SOCS7: variants seen among roughly 807,000 people sequenced by gnomAD.
SOCS7 encodes the protein suppressor of cytokine signaling 7.
In SOCS7, 18 loss-of-function variants were observed where a neutral mutation model predicts 58.9. The ratio of observed to expected loss-of-function variants is 0.31; its 90% CI spans 0.21 to 0.45. The LOEUF (loss-of-function observed/expected upper bound fraction) is 0.45, where lower values mean the gene tolerates loss of function less well. Ranked by LOEUF, SOCS7 falls within the 20% of genes least tolerant of loss-of-function variation. The pLI is 1.00. For missense variants in SOCS7, 667 were observed against 837.3 expected, an observed-to-expected ratio of 0.80 and a Z score of 2.51; for synonymous variants, 388 against 364.3, an observed-to-expected ratio of 1.06 and a Z score of -0.74.
intron 6 of SOCS7, 140 bp from the exon 7 acceptor site, chr17:38,377,574 G>C (rs746654496): frequency 1.5e-5 from 9 of 612,404 alleles, no homozygotes; most frequent in South Asian, 1.4e-4. Context: ...GCAGGAACAG[G>C]TAGCTTCAGA....
chr17:38,381,654 C>A (rs1023745878), intron 7 of SOCS7, among the ~76,000 whole-genome samples: 1 of 151,972 alleles, frequency 6.6e-6, no homozygotes, highest in Non-Finnish European at 1.5e-5. Flanking sequence ...GAGCTGGATG[C>A]AGTAGGAGGG....
At chr17:38,369,674 CTTTTTT>C (rs11299884) in intron 6 of SOCS7, among the ~76,000 whole-genome samples, 1 of 125,984 alleles carries the variant, frequency 7.9e-6, no homozygotes, top group Non-Finnish European at 1.7e-5. Context: ...TCTCCGATTA[CTTTTTT>C]TTTTTTTTTT....
At chr17:38,358,528 T>TCC (rs1466524893) in intron 1 of SOCS7, among the ~76,000 whole-genome samples, 1 of 151,898 alleles carries the variant, frequency 6.6e-6, no homozygotes, top group African/African-American at 2.4e-5. Context: ...ATCTTACCCC[T>TCC]CCCCCAGGTA....
At position 38,352,159 on chromosome 17, in the gene SOCS7, C is replaced by G; in HGVS notation, c.107C>G (p.Pro36Arg). The change falls in exon 1 of 10, where the codon CCT becomes CGT. Residue 36 changes from proline to arginine, a missense_variant. Around this residue, in one of 9 missense-constraint regions of SOCS7, gnomAD observed 65 missense variants for 51.0 expected, o/e 1.27. Coordinates refer to ENST00000612932, the MANE Select transcript of SOCS7 (RefSeq NM_014598.4). The surrounding 1 kb of genome is among the most constrained non-coding windows in gnomAD (Gnocchi z 5.5). ...GGAGAGGCGGCCCCCGAGCCAGGCCCTCCGCCACCGCCCCCGGGCCATGGC... is the reference window on the plus strand; with the variant it reads ...GGAGAGGCGGCCCCCGAGCCAGGCCGTCCGCCACCGCCCCCGGGCCATGGC... ...GYGEAAPEPG[P>R]PPPPPGHGPP... 4.1e-6 allele frequency: 5 copies of G among 1,226,390 alleles called. No individual in the cohort carries two copies. The highest frequency in any genetic ancestry group is 5.1e-6 in the Non-Finnish European group (5 of 979,996). The allele number at this position is 1,226,390 out of a possible 1,614,324, so 76.0% of individuals were successfully genotyped here. A position where few individuals can be genotyped will look rare whatever the true frequency, so the allele number is the denominator to read the frequency against.
intron 5 of SOCS7, 34 bp downstream of exon 5, chr17:38,366,451 T>C (rs765951629): frequency 1.9e-6 from 3 of 1,612,090 alleles, no homozygotes; most frequent in Non-Finnish European, 1.7e-6. Flanking sequence ...AGGTCACTTC[T>C]CCTCCCATTA....
At position 38,402,383 on chromosome 17, in the gene SOCS7, C is replaced by G. The variant is rs2038331920; in HGVS notation, c.*2901C>G. 6.6e-6 allele frequency: 1 copy of G among 152,348 alleles called. No individual in the cohort carries two copies. The highest frequency in any genetic ancestry group is 2.1e-4 in the South Asian group (1 of 4,830). The allele number at this position is 152,348 out of a possible 1,614,324, so 9.4% of individuals were successfully genotyped here. On this transcript the variant is annotated 3_prime_UTR_variant, in exon 10 of 10. Coordinates refer to ENST00000612932, the MANE Select transcript of SOCS7 (RefSeq NM_014598.4). ...AGGTGTGGCAGCACCTGCCCTTCAC[C>G]TCCCTGACCAGGCCCGTCCCTCCTT...
chr17:38,358,028 C>A (rs2037662896), intron 1 of SOCS7, among the ~76,000 whole-genome samples: 1 of 152,060 alleles, frequency 6.6e-6, no homozygotes, highest in African/African-American at 2.4e-5. Flanking sequence ...TTTTTTGTTA[C>A]CTACAGCATA....
rs1233040294 is a variant in SOCS7, at chr17:38,385,443, TTC to T, written c.1681+7603_1681+7604del. On this transcript the variant is annotated intron_variant, in intron 7 of 9. Transcript: ENST00000612932. ...ATTACTTCATCTGAATTTCTTTTCT[TTC>T]TTTTTTTTTTTTTTTAAATAGAAAA... is the stretch of plus-strand genomic sequence containing the variant. Among the ~76,000 whole-genome samples, 407 of 105,380 alleles carry T rather than the reference TTC, an allele frequency of 3.9e-3. 4 individuals are homozygous for T. Among genetic ancestry groups the T allele is most frequent in the African/African-American group, 0.021 (372 of 17,940 alleles). The allele number at this position is 105,380 out of a possible 152,430, so 69.1% of individuals were successfully genotyped here. A position where few individuals can be genotyped will look rare whatever the true frequency, so the allele number is the denominator to read the frequency against.
intron 7 of SOCS7, among the ~76,000 whole-genome samples, chr17:38,389,870 T>TATATATATATATATATGTAC (rs1567750851): frequency 1.0e-5 from 1 of 95,334 alleles, no homozygotes; most frequent in African/African-American, 4.4e-5. Flanking sequence ...TGTGTGTACA[T>TATATATATATATATATGTAC]ATATATATAT....
chr17:38,366,493 T>G, intron 5 of SOCS7, 76 bp downstream of exon 5: 2 of 1,533,274 alleles, frequency 1.3e-6, no homozygotes, highest in Admixed American at 1.7e-5. Flanking sequence ...CACCTTTATT[T>G]ATGTGTTTAT....
chr17:38,398,241 CTTTTTT>C (rs990311481), intron 9 of SOCS7, among the ~76,000 whole-genome samples: 1 of 129,390 alleles, frequency 7.7e-6, no homozygotes. Flanking sequence ...AGGGAAAGGT[CTTTTTT>C]TTTTTTTTTT....
intron 6 of SOCS7, among the ~76,000 whole-genome samples, chr17:38,376,286 C>T (rs972113538): frequency 6.6e-6 from 1 of 152,108 alleles, no homozygotes; most frequent in East Asian, 1.9e-4. Flanking sequence ...CACACCCACA[C>T]TCAGACTGGC....
chr17:38,358,749 G>A (rs757982724), intron 1 of SOCS7, among the ~76,000 whole-genome samples: 14 of 152,110 alleles, frequency 9.2e-5, no homozygotes, highest in Non-Finnish European at 1.9e-4. Context: ...TAGCCTCCTA[G>A]ACTTTAGACC....
At chr17:38,370,980 G>T (rs746033083) in intron 6 of SOCS7, among the ~76,000 whole-genome samples, 1 of 152,104 alleles carries the variant, frequency 6.6e-6, no homozygotes, top group Non-Finnish European at 1.5e-5. Flanking sequence ...GAAACCTTGC[G>T]GGCCTTTCCG....
rs2038312754 is a variant in SOCS7, at chr17:38,401,103, T to C, written c.*1621T>C. The C allele has an allele frequency of 6.6e-6, 1 of 152,130 alleles. No homozygotes were observed. Among genetic ancestry groups the C allele is most frequent in the African/African-American group, 2.4e-5 (1 of 41,364 alleles). 9.4% of individuals were successfully genotyped at this position (152,130 alleles called of 1,614,324 possible). A position where few individuals can be genotyped will look rare whatever the true frequency, so the allele number is the denominator to read the frequency against. On this transcript the variant is annotated 3_prime_UTR_variant, in exon 10 of 10. Transcript: ENST00000612932. ...GACTGCCTCATCTGGGAGCATTGCC[T>C]TCTTCCTTAGTCCCACGTGGAGTGA...
At chr17:38,384,833 C>T (rs1374191427) in intron 7 of SOCS7, among the ~76,000 whole-genome samples, 1 of 151,608 alleles carries the variant, frequency 6.6e-6, no homozygotes, top group Non-Finnish European at 1.5e-5. Context: ...CTTTGTGATC[C>T]ACCCGCCTCA....
intron 5 of SOCS7, among the ~76,000 whole-genome samples, chr17:38,367,476 C>A (rs748886043): frequency 3.4e-4 from 52 of 152,060 alleles, no homozygotes; most frequent in Non-Finnish European, 5.9e-4. Context: ...TGGGTTCAAG[C>A]GATTCTTCTG....
intron 1 of SOCS7, 137 bp downstream of exon 1, chr17:38,353,169 A>G: frequency 1.3e-6 from 1 of 781,520 alleles, no homozygotes; most frequent in South Asian, 1.9e-5. Context: ...CAAAGGTGGT[A>G]ACATCTCGCA....
chr17:38,378,125 C>G (rs899807656), intron 7 of SOCS7, among the ~76,000 whole-genome samples: 2 of 152,200 alleles, frequency 1.3e-5, no homozygotes, highest in Non-Finnish European at 2.9e-5. Context: ...GGAGGTATCC[C>G]TGATCTAGGC....
Sources: gnomAD v4.1 joint callset for allele counts (sites outside exome capture counted in the v4.1 genomes callset) on GRCh38, gnomAD v4.1.1 for gene constraint, gnomAD v4.1.1 regional missense constraint, Gnocchi (gnomAD v3.1) non-coding constraint, MANE v1.5 for transcripts, NCBI Gene and HGNC (gene_info 2026-07-23, HGNC 2026-07-21) for gene names.